ZNF35: variants seen among roughly 807,000 people sequenced by gnomAD.
The protein encoded by ZNF35 is zinc finger protein 35 (clone HF.10).
In ZNF35, 31 loss-of-function variants were observed where a neutral mutation model predicts 45.9. The observed-to-expected ratio is 0.68, with a 90% CI of 0.51 to 0.91. ZNF35 has a LOEUF of 0.91. ZNF35 is among the 40% of genes least tolerant of loss of function. ZNF35 has a pLI of 0.00. For synonymous variants in ZNF35, 205 were observed against 220.2 expected, an observed-to-expected ratio of 0.93 and a Z score of 0.61; for missense variants, 515 against 625.4, an observed-to-expected ratio of 0.82 and a Z score of 1.88.
rs192967130 is a variant in ZNF35, at chr3:44,650,531, A to C, written c.-127-410A>C. Among the ~76,000 whole-genome samples, 7 of 152,316 alleles carry C rather than the reference A, an allele frequency of 4.6e-5. No homozygotes were observed. The East Asian group carries it at 1.3e-3, about 29-fold the overall frequency. On this transcript the variant is annotated intron_variant, in intron 1 of 3. Coordinates refer to ENST00000396056, the MANE Select transcript of ZNF35 (RefSeq NM_003420.4). ...AATATGTATCCCCAAAGTCAAAAACAAGAATTTGTAAAATCATAATTATTA... is the reference window on the plus strand; with the variant it reads ...AATATGTATCCCCAAAGTCAAAAACCAGAATTTGTAAAATCATAATTATTA...
rs143298398 is a variant in ZNF35 at position 44,659,284 on chromosome 3, G to A, written c.921G>A (p.Lys307=). The A allele has an allele frequency of 3.4e-5, 55 of 1,613,872 alleles. No individual in the cohort carries two copies. Among genetic ancestry groups the A allele is most frequent in the Non-Finnish European group, 3.8e-5 (45 of 1,179,980 alleles). Reference sequence around the variant, plus strand: ...TCCACTCCTTAGAAAAAACTTTTAAGTGCAATGAATGTGAGAAAGCCTTTA... The same window carrying A: ...TCCACTCCTTAGAAAAAACTTTTAAATGCAATGAATGTGAGAAAGCCTTTA... The part of the protein sequence containing the change: ...QKIHSLEKTF[K]CNECEKAFSY... Residue 307 remains lysine, a synonymous_variant, in exon 4 of 4, where the codon AAG becomes AAA. Coordinates refer to ENST00000396056, the MANE Select transcript of ZNF35 (RefSeq NM_003420.4). The surrounding 1 kb of genome is among the most constrained non-coding windows in gnomAD (Gnocchi z 4.3).
In ZNF35 at chr3:44,659,030, A is replaced by G. The variant is rs753013640; in HGVS notation, c.667A>G (p.Thr223Ala). The G allele has an allele frequency of 3.1e-6, 5 of 1,614,264 alleles. No individual in the cohort carries two copies. Among genetic ancestry groups the G allele is most frequent in the Non-Finnish European group, 4.2e-6 (5 of 1,180,048 alleles). The change falls in exon 4 of 4, where the codon ACG becomes GCG. Residue 223 changes from threonine (T) to alanine (A), a missense_variant. Transcript: ENST00000396056. This position sits in a 1 kb window ranked among gnomAD's most constrained non-coding sequence, Gnocchi z 4.3. ...PKTQLGQKPF[T>A]CSVCGKGFSQ... ...AACCCAGCTTGGACAAAAGCCTTTT[A>G]CGTGTAGCGTGTGTGGGAAAGGATT...
In ZNF35 at chr3:44,651,713, G is replaced by A. The variant is rs574070058; in HGVS notation, c.192+454G>A. 3.9e-5 allele frequency among the ~76,000 whole-genome samples: 6 copies of A among 152,030 alleles called. 1 individual carries two copies. Among genetic ancestry groups the A allele is most frequent in the African/African-American group, 1.4e-4 (6 of 41,446 alleles). ...CTTGGCATGGTGGCACGTGCCTGTA[G>A]TCTCAGCTACTTGGGAGGCTGAGGT... On this transcript the variant is annotated intron_variant, in intron 2 of 3. Transcript: ENST00000396056.
chr3:44,654,710 A>G (rs949488200), intron 3 of ZNF35, among the ~76,000 whole-genome samples: 4 of 152,240 alleles, frequency 2.6e-5, no homozygotes, highest in African/African-American at 9.6e-5. Flanking sequence ...TTAAAAACCA[A>G]TTTTTAAGCC....
rs2125845374 is a variant in ZNF35 at position 44,659,319 on chromosome 3, C to T, written c.956C>T (p.Ser319Leu). Reference protein sequence around the residue: ...NECEKAFSYSSQLARHQKVHI... With the variant: ...NECEKAFSYSLQLARHQKVHI... ...TGTGAGAAAGCCTTTAGTTACAGCT[C>T]ACAACTTGCTCGGCACCAGAAAGTC... is the stretch of plus-strand genomic sequence containing the variant. The change falls in exon 4 of 4, where the codon TCA becomes TTA. Residue 319 changes from serine to leucine, a missense_variant. Around this residue, in one of 3 missense-constraint regions of ZNF35, gnomAD observed 232 missense variants for 304.6 expected, o/e 0.76. Coordinates refer to ENST00000396056, the MANE Select transcript of ZNF35 (RefSeq NM_003420.4). This position sits in a 1 kb window ranked among gnomAD's most constrained non-coding sequence, Gnocchi z 4.3. The T allele has an allele frequency of 1.2e-6, 2 of 1,614,114 alleles. No homozygotes were observed. Among genetic ancestry groups the T allele is most frequent in the East Asian group, 2.2e-5 (1 of 44,888 alleles).
chr3:44,649,104 A>G (rs906302959), intron 1 of ZNF35, among the ~76,000 whole-genome samples: 1 of 152,254 alleles, frequency 6.6e-6, no homozygotes, highest in Non-Finnish European at 1.5e-5. Flanking sequence ...CGTGGAAAGA[A>G]TGGATTGCCA....
chr3:44,655,096 T>C (rs1212540144), intron 3 of ZNF35, among the ~76,000 whole-genome samples: 2 of 152,162 alleles, frequency 1.3e-5, no homozygotes, highest in Non-Finnish European at 2.9e-5. Context: ...ATTGCACCAC[T>C]GCACTCCAGC....
intron 2 of ZNF35, 51 bp downstream of exon 2, chr3:44,651,310 G>C: frequency 6.4e-7 from 1 of 1,573,064 alleles, no homozygotes; most frequent in Non-Finnish European, 8.6e-7. Context: ...AAGACCTCAA[G>C]TAGTTTAAGA....
Position 44,649,258 on chromosome 3 carries a change from G to A in ZNF35, c.-128+424G>A, listed in dbSNP as rs75656383. 8.8e-3 allele frequency among the ~76,000 whole-genome samples: 1,342 copies of A among 152,340 alleles called. 22 individuals are homozygous for A. The highest frequency in any genetic ancestry group is 0.031 in the African/African-American group (1,284 of 41,576). On this transcript the variant is annotated intron_variant, in intron 1 of 3. Coordinates refer to ENST00000396056, the MANE Select transcript of ZNF35 (RefSeq NM_003420.4). ...CAGTCTTATACACAAGGTGGAACTA[G>A]TCTTAAGGACCTTCATACCAGATTG...
chr3:44,657,792 A>C (rs1459629742), intron 3 of ZNF35, among the ~76,000 whole-genome samples: 1 of 152,168 alleles, frequency 6.6e-6, no homozygotes, highest in Non-Finnish European at 1.5e-5. Context: ...GTCTATCACC[A>C]TAGCAGCTCC....
At chr3:44,650,294 T>C (rs1703170230) in intron 1 of ZNF35, among the ~76,000 whole-genome samples, 1 of 152,010 alleles carries the variant, frequency 6.6e-6, no homozygotes, top group Non-Finnish European at 1.5e-5. Context: ...CTATGGAAAA[T>C]GTAAAAATCA....
chr3:44,659,843 A>G lies in ZNF35; in HGVS notation c.1480A>G (p.Arg494Gly), dbSNP rs1487826468. ...GAGGTCGAGCCTCACCGTGCACCAG[A>G]GAACCCACACTGGGGAGAAGCCCTA... ...RQRSSLTVHQ[R>G]THTGEKPYEC... Residue 494 changes from arginine (R) to glycine (G), a missense_variant, in exon 4 of 4, where the codon AGA becomes GGA. Physicochemically the swap from Arg to Gly is moderately radical, Grantham distance 125. Transcript: ENST00000396056. This position sits in a 1 kb window ranked among gnomAD's most constrained non-coding sequence, Gnocchi z 4.3. The G allele has an allele frequency of 6.2e-7, 1 of 1,613,908 alleles. No individual in the cohort carries two copies. Among genetic ancestry groups the G allele is most frequent in the East Asian group, 2.2e-5 (1 of 44,882 alleles).
chr3:44,646,849 G>C (rs189238568), upstream of ZNF35: 18 of 276,436 alleles, frequency 6.5e-5, no homozygotes, highest in Non-Finnish European at 1.2e-4. Flanking sequence ...CAATGGAGGA[G>C]GGATCGCCTT....
Position 44,658,937 on chromosome 3 carries a change from G to A in ZNF35, c.574G>A (p.Glu192Lys). The change falls in exon 4 of 4, where the codon GAA (glutamate) becomes AAA (lysine). Residue 192 changes from glutamate to lysine, a missense_variant. Physicochemically the swap from Glu to Lys is moderately conservative, Grantham distance 56. Around this residue, in one of 3 missense-constraint regions of ZNF35, gnomAD observed 275 missense variants for 295.7 expected, o/e 0.93. Transcript: ENST00000396056. ...CHLPESFKEEENQKCKKSGGK... is the reference protein window; with the variant it reads ...CHLPESFKEEKNQKCKKSGGK... ...CTTACCTGAAAGCTTCAAAGAAGAG[G>A]AAAACCAGAAATGTAAGAAATCTGG... The A allele has an allele frequency of 6.2e-7, 1 of 1,613,768 alleles. No individual in the cohort carries two copies. Among genetic ancestry groups the A allele is most frequent in the Middle Eastern group, 1.6e-4 (1 of 6,062 alleles).
intron 3 of ZNF35, among the ~76,000 whole-genome samples, chr3:44,654,969 A>C (rs2125841584): frequency 6.6e-6 from 1 of 152,184 alleles, no homozygotes; most frequent in East Asian, 1.9e-4. Flanking sequence ...CCCTGTCTCT[A>C]CTAAAAATTC....
rs770217909 is a variant in ZNF35, at chr3:44,659,496, T to C, written c.1133T>C (p.Ile378Thr). ...GKAFTQSANL[I>T]VHQRSHTGEK... is the part of the protein sequence containing the mutation. ...GCCTTTACCCAGAGTGCAAATCTTA[T>C]TGTACATCAGCGAAGCCATACTGGT... The change falls in exon 4 of 4, where the codon ATT becomes ACT. Residue 378 changes from isoleucine to threonine, a missense_variant. Transcript: ENST00000396056. The surrounding 1 kb of genome is among the most constrained non-coding windows in gnomAD (Gnocchi z 4.3). 3.5e-5 allele frequency: 56 copies of C among 1,613,816 alleles called. No homozygotes were observed. Among genetic ancestry groups the C allele is most frequent in the East Asian group, 2.0e-4 (9 of 44,834 alleles).
At chr3:44,654,216 A>T (rs1703254632) in intron 3 of ZNF35, among the ~76,000 whole-genome samples, 1 of 152,112 alleles carries the variant, frequency 6.6e-6, no homozygotes, top group African/African-American at 2.4e-5. Flanking sequence ...TTCATACCCA[A>T]GACTTAGTAT....
chr3:44,647,216 T>C (rs1264112597), upstream of ZNF35: 1 of 151,802 alleles, frequency 6.6e-6, no homozygotes, highest in African/African-American at 2.4e-5. Flanking sequence ...AATGAAAAGA[T>C]GTTCAACATC....
rs561475982 is a variant in ZNF35 at position 44,656,886 on chromosome 3, G to A, written c.338-1815G>A. Among the ~76,000 whole-genome samples, 42 of 151,746 alleles carry A rather than the reference G, an allele frequency of 2.8e-4. 1 individual carries two copies. In the East Asian group the frequency reaches 4.7e-3, roughly 17 times the overall value. ...CTAATTTTGTATTTTTAGTAGAGAC[G>A]GGGTTTCACCATGTTGGCCAGGCCG... On this transcript the variant is annotated intron_variant, in intron 3 of 3. Transcript: ENST00000396056.
Sources: gnomAD v4.1 joint callset for allele counts (sites outside exome capture counted in the v4.1 genomes callset) on GRCh38, gnomAD v4.1.1 for gene constraint, gnomAD v4.1.1 regional missense constraint, Gnocchi (gnomAD v3.1) non-coding constraint, MANE v1.5 for transcripts, NCBI Gene and HGNC (gene_info 2026-07-23, HGNC 2026-07-21) for gene names.